The following CDH13 variants were observed in gnomAD, a reference collection of about 807,000 sequenced individuals.
CDH13 encodes the protein cadherin 13, also known as cadherin-13.
CDH13 carries 24 observed loss-of-function variants against 63.8 expected under a neutral mutation model. The observed-to-expected ratio is 0.38, with a 90% CI of 0.27 to 0.53. CDH13 has a LOEUF of 0.53. Ranked by LOEUF, CDH13 falls within the 20% of genes least tolerant of loss-of-function variation. The pLI is 0.85. For missense variants in CDH13, 1,049 were observed against 903.1 expected (o/e 1.16, Z -2.07); for synonymous variants, 503 against 355.3 (o/e 1.42, Z -4.67).
At chr16:82,761,251 C>G (rs2034843939) in intron 1 of CDH13, among the ~76,000 whole-genome samples, 2 of 151,854 alleles carry the variant, frequency 1.3e-5, no homozygotes, top group Non-Finnish European at 2.9e-5. Flanking sequence ...CTCCTGACCT[C>G]AGGTGATCTG....
intron 1 of CDH13, among the ~76,000 whole-genome samples, chr16:82,738,270 G>A (rs1222611869): frequency 6.6e-6 from 1 of 152,144 alleles, no homozygotes; most frequent in Non-Finnish European, 1.5e-5. Flanking sequence ...TAACTGCATG[G>A]CCAATATGTT....
intron 2 of CDH13, among the ~76,000 whole-genome samples, chr16:82,901,200 C>T (rs1211500415): frequency 2.0e-5 from 3 of 151,842 alleles, no homozygotes; most frequent in Non-Finnish European, 4.4e-5. Flanking sequence ...CTGACACTGT[C>T]TTCTTGCTCT....
At chr16:83,403,659 G>C (rs960439500) in intron 6 of CDH13, among the ~76,000 whole-genome samples, 3 of 151,966 alleles carry the variant, frequency 2.0e-5, no homozygotes, top group Non-Finnish European at 4.4e-5. Context: ...TGTAAATGTA[G>C]AAACCTTTGG....
intron 1 of CDH13, among the ~76,000 whole-genome samples, chr16:82,808,648 GA>G (rs1373522839): frequency 1.3e-5 from 2 of 152,116 alleles, no homozygotes; most frequent in Non-Finnish European, 2.9e-5. Context: ...AGTTTCAAAG[GA>G]AAGGCTTCTA....
chr16:83,199,540 C>G (rs1190777506), intron 4 of CDH13, among the ~76,000 whole-genome samples: 1 of 152,234 alleles, frequency 6.6e-6, no homozygotes, highest in South Asian at 2.1e-4. Context: ...AGGTAAAATG[C>G]ACACGTAGCT....
intron 6 of CDH13, among the ~76,000 whole-genome samples, chr16:83,444,244 A>G (rs1017207911): frequency 3.9e-5 from 6 of 152,144 alleles, no homozygotes; most frequent in African/African-American, 1.4e-4. Context: ...GATGATGACG[A>G]TGATGGTAGA....
rs746695456 is a variant in CDH13 at position 83,271,904 on chromosome 16, C to G, written c.636+54407C>G. On this transcript the variant is annotated intron_variant, in intron 5 of 13. Coordinates refer to ENST00000567109, the MANE Select transcript of CDH13 (RefSeq NM_001257.5). ...TTTAGCTGGATTAATCTCTTCAAAC[C>G]TAAGTGATCCATATGAAGATCTTGT... Among the ~76,000 whole-genome samples the G allele has an allele frequency of 2.0e-5, 3 of 152,246 alleles. No homozygotes were observed. In the South Asian group the frequency reaches 6.2e-4, roughly 32 times the overall value.
intron 5 of CDH13, among the ~76,000 whole-genome samples, chr16:83,254,949 C>CTCTTTCTT (rs11269178): frequency 8.9e-4 from 6 of 6,738 alleles, no homozygotes; most frequent in African/African-American, 1.1e-3. Context: ...TTTTCTTTTT[C>CTCTTTCTT]TCTTTCTTTC....
At chr16:83,151,139 C>G (rs774406445) in intron 4 of CDH13, among the ~76,000 whole-genome samples, 21 of 152,132 alleles carry the variant, frequency 1.4e-4, no homozygotes, top group Admixed American at 2.6e-4. Flanking sequence ...CTGCTTCATT[C>G]CAGATGCTTA....
chr16:83,694,289 A>C (rs559074342), intron 10 of CDH13, among the ~76,000 whole-genome samples: 1 of 152,218 alleles, frequency 6.6e-6, no homozygotes, highest in Non-Finnish European at 1.5e-5. Flanking sequence ...AAGAGCATCC[A>C]GTTTGCTGGA....
chr16:82,991,015 T>G (rs1911591416), intron 2 of CDH13, among the ~76,000 whole-genome samples: 1 of 152,168 alleles, frequency 6.6e-6, no homozygotes, highest in African/African-American at 2.4e-5. Flanking sequence ...GCAGTAGTGG[T>G]GCCTACCAGA....
intron 3 of CDH13, among the ~76,000 whole-genome samples, chr16:83,049,384 G>T (rs947619512): frequency 1.4e-5 from 2 of 142,426 alleles, no homozygotes; most frequent in South Asian, 4.4e-4. Context: ...GTTGGGGTTG[G>T]AGTGCAGTGG....
At chr16:82,818,633 A>G (rs527839231) in intron 1 of CDH13, among the ~76,000 whole-genome samples, 1 of 152,272 alleles carries the variant, frequency 6.6e-6, no homozygotes, top group South Asian at 2.1e-4. Flanking sequence ...TACCTTTTAG[A>G]GGTGCTCAAA....
chr16:83,029,229 T>A (rs1225067949), intron 2 of CDH13, among the ~76,000 whole-genome samples: 2 of 152,176 alleles, frequency 1.3e-5, no homozygotes, highest in African/African-American at 2.4e-5. Flanking sequence ...TCAGTTTAGA[T>A]TTTCAGATAT....
At chr16:83,305,921 A>G (rs2089864373) in intron 5 of CDH13, among the ~76,000 whole-genome samples, 1 of 152,200 alleles carries the variant, frequency 6.6e-6, no homozygotes, top group South Asian at 2.1e-4. Flanking sequence ...CCTAACTTGC[A>G]GGTTTGGTGT....
intron 1 of CDH13, chr16:82,824,220 TA>T (rs1174088627): frequency 1.3e-5 from 2 of 152,000 alleles, no homozygotes; most frequent in Non-Finnish European, 2.9e-5. Context: ...TTTAAATACA[TA>T]AGTTCATAAT....
intron 4 of CDH13, among the ~76,000 whole-genome samples, chr16:83,129,464 G>A (rs1208369962): frequency 6.6e-6 from 1 of 152,180 alleles, no homozygotes; most frequent in African/African-American, 2.4e-5. Flanking sequence ...GAGAAGGGAA[G>A]GCAGCTAGGA....
intron 7 of CDH13, among the ~76,000 whole-genome samples, chr16:83,495,186 C>T (rs748698747): frequency 7.9e-5 from 12 of 152,042 alleles, no homozygotes; most frequent in South Asian, 2.1e-4. Flanking sequence ...CCAAGGTGGT[C>T]GGGCCACAAA....
At chr16:82,628,971 A>G (rs1907685728) in intron 1 of CDH13, among the ~76,000 whole-genome samples, 1 of 152,214 alleles carries the variant, frequency 6.6e-6, no homozygotes, top group Non-Finnish European at 1.5e-5. Context: ...GTCCTATGCA[A>G]TGCATGCCAG....
Sources: gnomAD v4.1 joint callset for allele counts (sites outside exome capture counted in the v4.1 genomes callset) on GRCh38, gnomAD v4.1.1 for gene constraint, MANE v1.5 for transcripts, NCBI Gene and HGNC (gene_info 2026-07-23, HGNC 2026-07-21) for gene names.